The following DOK6 variants were observed in gnomAD, a reference collection of about 807,000 sequenced individuals.
DOK6 encodes downstream of tyrosine kinase 6.
A neutral mutation model predicts 44.0 loss-of-function variants in DOK6; 22 were observed. That is an observed-to-expected ratio of 0.50 (90% CI 0.36 to 0.71). The LOEUF is 0.71. DOK6 is among the 30% of genes least tolerant of loss of function. DOK6 has a pLI of 0.00. For synonymous variants in DOK6, 166 were observed against 145.5 expected (o/e 1.14, Z -1.01); for missense variants, 340 against 416.4 (o/e 0.82, Z 1.60).
chr18:69,456,202 A>G (rs1478139945), intron 1 of DOK6, among the ~76,000 whole-genome samples: 1 of 152,086 alleles, frequency 6.6e-6, no homozygotes, highest in Middle Eastern at 3.2e-3. Flanking sequence ...CTAAATTTCA[A>G]CTTTTATTTT....
chr18:69,434,954 G>GGGAAGGAAGGAA (rs1167985373), intron 1 of DOK6, among the ~76,000 whole-genome samples: 2,170 of 62,912 alleles, frequency 0.034, 85 homozygotes, highest in Middle Eastern at 0.079. Flanking sequence ...GAGGGAGGGA[G>GGGAAGGAAGGAA]GGAAGGAAGG....
At chr18:69,460,335 T>G (rs1979752600) in intron 1 of DOK6, among the ~76,000 whole-genome samples, 1 of 152,120 alleles carries the variant, frequency 6.6e-6, no homozygotes, top group Non-Finnish European at 1.5e-5. Flanking sequence ...CAATGATAGG[T>G]CAGGTGTAAT....
intron 1 of DOK6, among the ~76,000 whole-genome samples, chr18:69,433,191 C>T (rs1195461979): frequency 1.3e-5 from 2 of 152,142 alleles, no homozygotes; most frequent in Non-Finnish European, 2.9e-5. Flanking sequence ...AATTAGAACA[C>T]ATCCACAATT....
chr18:69,528,157 TG>T (rs1981886633), intron 1 of DOK6, among the ~76,000 whole-genome samples: 2 of 123,792 alleles, frequency 1.6e-5, no homozygotes, highest in Non-Finnish European at 3.6e-5. Context: ...AGCGAGACTC[TG>T]TCTCAAAAAA....
At chr18:69,488,831 T>C (rs1256392892) in intron 1 of DOK6, among the ~76,000 whole-genome samples, 1 of 152,234 alleles carries the variant, frequency 6.6e-6, no homozygotes, top group East Asian at 1.9e-4. Flanking sequence ...CATATCATCA[T>C]GATTCACTTA....
At chr18:69,561,083 A>G (rs747048936) in intron 1 of DOK6, among the ~76,000 whole-genome samples, 1 of 152,136 alleles carries the variant, frequency 6.6e-6, no homozygotes, top group Non-Finnish European at 1.5e-5. Context: ...TACCTACTCT[A>G]TAAGAAAAAA....
rs1049778097 is a variant in DOK6 at position 69,629,853 on chromosome 18, C to A, written c.289+30355C>A. Among the ~76,000 whole-genome samples, 48 of 152,078 alleles carry A rather than the reference C, an allele frequency of 3.2e-4. 1 individual carries two copies. Among genetic ancestry groups the A allele is most frequent in the Non-Finnish European group, 1.8e-4 (12 of 68,020 alleles). ...CTGTCCAGGCTGGAGTGCAGTGATG[C>A]GATCTCAGCTCACTGAAATTTCTGC... On this transcript the variant is annotated intron_variant, in intron 3 of 7. Coordinates refer to ENST00000382713, the MANE Select transcript of DOK6 (RefSeq NM_152721.6).
At chr18:69,751,337 T>TGTC (rs1555668194) in intron 6 of DOK6, among the ~76,000 whole-genome samples, 1,603 of 151,908 alleles carry the variant, frequency 0.011, 10 homozygotes, top group Non-Finnish European at 0.018. Flanking sequence ...TAAATTATAA[T>TGTC]ATGTGCCCCA....
At chr18:69,537,451 T>C (rs1982155080) in intron 1 of DOK6, among the ~76,000 whole-genome samples, 1 of 152,174 alleles carries the variant, frequency 6.6e-6, no homozygotes, top group South Asian at 2.1e-4. Context: ...AGACTGCCAG[T>C]TCCTTCAAGC....
chr18:69,471,106 G>A (rs1205223571), intron 1 of DOK6, among the ~76,000 whole-genome samples: 4 of 151,412 alleles, frequency 2.6e-5, no homozygotes, highest in Non-Finnish European at 4.4e-5. Context: ...AAAATTAGCC[G>A]GGCGTGGTGG....
intron 2 of DOK6, among the ~76,000 whole-genome samples, chr18:69,596,389 C>T (rs891264689): frequency 9.9e-5 from 15 of 152,036 alleles, no homozygotes; most frequent in Non-Finnish European, 2.1e-4. Context: ...GCTCAATTAA[C>T]TCAAAGTAGG....
intron 3 of DOK6, among the ~76,000 whole-genome samples, chr18:69,653,020 ACT>A (rs1483519749): frequency 1.3e-5 from 2 of 152,188 alleles, no homozygotes; most frequent in Non-Finnish European, 2.9e-5. Flanking sequence ...TGGGGGACTT[ACT>A]TTTATCACAC....
At chr18:69,817,869 G>A (rs1274576308) in intron 7 of DOK6, among the ~76,000 whole-genome samples, 1 of 152,172 alleles carries the variant, frequency 6.6e-6, no homozygotes, top group East Asian at 1.9e-4. Context: ...CAACATCTCA[G>A]AGAAACTGCC....
At chr18:69,456,485 C>G (rs1192310606) in intron 1 of DOK6, among the ~76,000 whole-genome samples, 1 of 152,056 alleles carries the variant, frequency 6.6e-6, no homozygotes, top group Non-Finnish European at 1.5e-5. Flanking sequence ...TGATTTCATT[C>G]TTTTTTATGG....
At chr18:69,784,567 T>C (rs533127773) in intron 7 of DOK6, among the ~76,000 whole-genome samples, 16 of 152,120 alleles carry the variant, frequency 1.1e-4, no homozygotes, top group Non-Finnish European at 1.9e-4. Context: ...TCTTTAAAAA[T>C]TGCATAAGAT....
At chr18:69,513,744 A>G (rs759451006) in intron 1 of DOK6, among the ~76,000 whole-genome samples, 5 of 152,196 alleles carry the variant, frequency 3.3e-5, no homozygotes, top group Non-Finnish European at 5.9e-5. Context: ...GTTAAGCTAA[A>G]TTGCTTAGCA....
chr18:69,731,031 C>G (rs1276739273), intron 5 of DOK6, among the ~76,000 whole-genome samples: 1 of 151,854 alleles, frequency 6.6e-6, no homozygotes, highest in Non-Finnish European at 1.5e-5. Context: ...CAGTATTTGC[C>G]CCGAGTATCT....
intron 5 of DOK6, among the ~76,000 whole-genome samples, chr18:69,708,653 C>T (rs1414989705): frequency 6.6e-6 from 1 of 151,832 alleles, no homozygotes; most frequent in Non-Finnish European, 1.5e-5. Flanking sequence ...GGCATGGTGG[C>T]GGACGCCAGT....
chr18:69,680,406 A>AC (rs1381488122), intron 4 of DOK6, among the ~76,000 whole-genome samples: 3 of 151,960 alleles, frequency 2.0e-5, no homozygotes, highest in Admixed American at 2.0e-4. Context: ...TCAAGTCTGC[A>AC]CCCCCCTCTT....
Sources: gnomAD v4.1 joint callset for allele counts (sites outside exome capture counted in the v4.1 genomes callset) on GRCh38, gnomAD v4.1.1 for gene constraint, MANE v1.5 for transcripts, NCBI Gene and HGNC (gene_info 2026-07-23, HGNC 2026-07-21) for gene names.